TLN2: variants seen among roughly 807,000 people sequenced by gnomAD.
TLN2 encodes talin-2.
In TLN2, 118 loss-of-function variants were observed where a neutral mutation model predicts 294.7. The ratio of observed to expected loss-of-function variants is 0.40; its 90% CI spans 0.34 to 0.47. The LOEUF (loss-of-function observed/expected upper bound fraction) is 0.47. Among genes scored for constraint, TLN2 ranks in the 20% least tolerant of loss-of-function variants. The probability of loss-of-function intolerance (pLI) is 0.84; values close to 1 mark genes in which losing one functional copy is unlikely to be tolerated. For synonymous variants in TLN2, 1,431 were observed against 1,304.5 expected (o/e 1.10, Z -2.09); for missense variants, 3,083 against 3,282.2 (o/e 0.94, Z 1.48).
intron 2 of TLN2, among the ~76,000 whole-genome samples, chr15:62,604,271 T>C (rs532596033): frequency 6.6e-6 from 1 of 152,110 alleles, no homozygotes; most frequent in South Asian, 2.1e-4. Context: ...AATTCAGCAC[T>C]GTGGGAAGCT....
chr15:62,583,455 A>G (rs2045316014), intron 1 of TLN2, among the ~76,000 whole-genome samples: 1 of 152,202 alleles, frequency 6.6e-6, no homozygotes. Context: ...CTTCTAACCC[A>G]GAAGTCATAA....
chr15:62,708,626 T>G lies in TLN2; in HGVS notation c.2297T>G (p.Leu766Arg), dbSNP rs145927828. ...CAGGCGGCCACTACCGATAGTGAGC[T>G]CCTGAAGCAGGTCAGCGCAGCGGCC... ...ACQAATTDSE[L>R]LKQVSAAASV... Residue 766 changes from leucine to arginine, a missense_variant, in exon 21 of 59, where the codon CTC (leucine) becomes CGC (arginine). By Grantham distance (102) the Leu-to-Arg change is moderately radical (BLOSUM62 -2). Coordinates refer to ENST00000636159, the MANE Select transcript of TLN2 (RefSeq NM_015059.3). The G allele has an allele frequency of 1.9e-6, 3 of 1,614,186 alleles. No individual in the cohort carries two copies. Among genetic ancestry groups the G allele is most frequent in the Middle Eastern group, 1.6e-4 (1 of 6,062 alleles).
intron 1 of TLN2, among the ~76,000 whole-genome samples, chr15:62,541,158 G>T (rs1007822977): frequency 1.3e-5 from 2 of 152,142 alleles, no homozygotes; most frequent in Non-Finnish European, 2.9e-5. Flanking sequence ...TTTTATACCT[G>T]TGTTAGGGGT....
intron 3 of TLN2, among the ~76,000 whole-genome samples, chr15:62,628,202 A>T (rs1567215905): frequency 6.6e-6 from 1 of 152,254 alleles, no homozygotes. Flanking sequence ...GGTGTGGACT[A>T]TAATTTTTCT....
intron 45 of TLN2, among the ~76,000 whole-genome samples, chr15:62,786,237 A>G (rs369767524): frequency 4.5e-4 from 68 of 152,320 alleles, no homozygotes; most frequent in African/African-American, 1.5e-3. Flanking sequence ...CCCTATCACA[A>G]CATGTGAAAA....
At chr15:62,576,743 TTTA>T (rs1483645140) in intron 1 of TLN2, among the ~76,000 whole-genome samples, 1 of 145,594 alleles carries the variant, frequency 6.9e-6, no homozygotes, top group Non-Finnish European at 1.5e-5. Context: ...TATATATATA[TTTA>T]TTCATTCTAT....
At chr15:62,421,170 G>T (rs981801754) in intron 1 of TLN2, among the ~76,000 whole-genome samples, 6 of 152,092 alleles carry the variant, frequency 3.9e-5, no homozygotes, top group African/African-American at 1.4e-4. Context: ...TCTGCATCTT[G>T]TTACCGGTCC....
chr15:62,509,099 AG>A (rs1232594958), intron 1 of TLN2, among the ~76,000 whole-genome samples: 1 of 152,214 alleles, frequency 6.6e-6, no homozygotes, highest in Non-Finnish European at 1.5e-5. Context: ...GGATCCCATA[AG>A]CCAGGGGTTG....
chr15:62,498,823 G>C (rs932193498), intron 1 of TLN2, among the ~76,000 whole-genome samples: 2 of 151,974 alleles, frequency 1.3e-5, no homozygotes, highest in Non-Finnish European at 2.9e-5. Context: ...GTCTGTGAAT[G>C]ACATGAAAAA....
chr15:62,472,073 CCT>C (rs757874826), intron 1 of TLN2, among the ~76,000 whole-genome samples: 4 of 152,148 alleles, frequency 2.6e-5, no homozygotes, highest in Non-Finnish European at 5.9e-5. Context: ...CCTGATTTCC[CCT>C]GATTCAGCTC....
At chr15:62,833,758 ACT>A (rs1445894430) in intron 55 of TLN2, 129 bp downstream of exon 55, 10 of 1,355,110 alleles carry the variant, frequency 7.4e-6, no homozygotes, top group South Asian at 3.1e-5. Context: ...CTGAATTGCC[ACT>A]CTCTGTGCTG....
intron 42 of TLN2, among the ~76,000 whole-genome samples, chr15:62,776,436 G>T (rs1417391990): frequency 6.6e-6 from 1 of 152,114 alleles, no homozygotes; most frequent in Admixed American, 6.6e-5. Flanking sequence ...TTTTGTAAAT[G>T]TATCAACTTG....
rs899433781 is a variant in TLN2, at chr15:62,784,869, A to G, written c.5736+979A>G. On this transcript the variant is annotated intron_variant, in intron 45 of 58. Transcript: ENST00000636159. Reference sequence around the variant, plus strand: ...TTGTAATTGGTCTTCTCTTCTCCTTATAGTGACAGTCACTGTCCCCAAGTT... The same window carrying G: ...TTGTAATTGGTCTTCTCTTCTCCTTGTAGTGACAGTCACTGTCCCCAAGTT... The G allele has an allele frequency of 2.6e-5, 4 of 152,364 alleles. No individual in the cohort carries two copies. In the South Asian group the frequency reaches 8.3e-4, roughly 32 times the overall value. 9.4% of individuals were successfully genotyped at this position (152,364 alleles called of 1,614,324 possible). A position where few individuals can be genotyped will look rare whatever the true frequency, so the allele number is the denominator to read the frequency against.
intron 52 of TLN2, among the ~76,000 whole-genome samples, chr15:62,817,255 T>G (rs1042782669): frequency 3.9e-5 from 6 of 152,210 alleles, no homozygotes; most frequent in Admixed American, 2.0e-4. Context: ...GGAACTGGTC[T>G]AGGAAGCCAT....
intron 45 of TLN2, among the ~76,000 whole-genome samples, chr15:62,786,797 A>C (rs12443164): frequency 0.16 from 24,967 of 152,178 alleles, 2,443 homozygotes; most frequent in East Asian, 0.25. Context: ...TGCCATTGGA[A>C]CCACTCTTTT....
At chr15:62,793,401 C>T (rs929672625) in intron 46 of TLN2, among the ~76,000 whole-genome samples, 1 of 152,140 alleles carries the variant, frequency 6.6e-6, no homozygotes, top group Non-Finnish European at 1.5e-5. Context: ...AGCTAAGGTA[C>T]TTCAGCTTTC....
At chr15:62,507,344 G>C (rs1198499885) in intron 1 of TLN2, among the ~76,000 whole-genome samples, 2 of 152,180 alleles carry the variant, frequency 1.3e-5, no homozygotes, top group Non-Finnish European at 2.9e-5. Flanking sequence ...CTGGTAACTG[G>C]TCATCTCATT....
At chr15:62,617,962 C>CT (rs768055599) in intron 2 of TLN2, among the ~76,000 whole-genome samples, 1,719 of 136,122 alleles carry the variant, frequency 0.013, 20 homozygotes, top group African/African-American at 0.034. Flanking sequence ...TCAGGCAATT[C>CT]TTTTTTTTTT....
chr15:62,717,578 T>G lies in TLN2; in HGVS notation c.2766T>G (p.Val922=), dbSNP rs765501122. The G allele has an allele frequency of 6.4e-7, 1 of 1,562,050 alleles. No homozygotes were observed. Among genetic ancestry groups the G allele is most frequent in the Non-Finnish European group, 8.6e-7 (1 of 1,158,454 alleles). ...IKKKIVNRLE[V]AAKQAAAAAT... is the part of the protein sequence containing the mutation. ...ACTCATCTATCACTCCTCTGCAGGT[T>G]GCAGCCAAGCAGGCCGCAGCGGCAG... Residue 922 remains valine, a splice_region_variant and synonymous_variant, in exon 24 of 59, where the codon GTT becomes GTG. Transcript: ENST00000636159.
Sources: gnomAD v4.1 joint callset for allele counts (sites outside exome capture counted in the v4.1 genomes callset) on GRCh38, gnomAD v4.1.1 for gene constraint, MANE v1.5 for transcripts, NCBI Gene and HGNC (gene_info 2026-07-23, HGNC 2026-07-21) for gene names.